Variants in KCNQ1OT1 observed in about 807,000 individuals in gnomAD.
KCNQ1OT1 encodes KCNQ1 opposite strand/antisense transcript 1.
Position 2,624,176 on chromosome 11 carries a change from G to A in KCNQ1OT1, n.75819C>T, listed in dbSNP as rs1589988171. 33 of 398,468 alleles carry A rather than the reference G, an allele frequency of 8.3e-5. No individual in the cohort carries two copies. In the East Asian group the frequency reaches 1.2e-3, roughly 14 times the overall value. 24.7% of individuals were successfully genotyped at this position (398,468 alleles called of 1,614,324 possible). Reference sequence around the variant, plus strand: ...CCATTTCCCTAATGACGTAAGATGTGGGGCATCTTTTCATATACTTAGTTG... The same window carrying A: ...CCATTTCCCTAATGACGTAAGATGTAGGGCATCTTTTCATATACTTAGTTG... On this transcript the variant is annotated non_coding_transcript_exon_variant, in exon 1 of 1. Transcript: ENST00000597346. This position sits in a 1 kb window ranked among gnomAD's most constrained non-coding sequence, Gnocchi z 4.9.
Position 2,653,679 on chromosome 11 carries a change from G to T in KCNQ1OT1, n.46316C>A, listed in dbSNP as rs1006789483. ...AATGGCCACCAGCTTGCATTCAACA[G>T]CTCAGGAAGCCCAGCAGAACGAGGT... On this transcript the variant is annotated non_coding_transcript_exon_variant, in exon 1 of 1. Transcript: ENST00000597346. The surrounding 1 kb of genome is among the most constrained non-coding windows in gnomAD (Gnocchi z 5.3). 5.0e-6 allele frequency: 2 copies of T among 398,704 alleles called. No homozygotes were observed. The highest frequency in any genetic ancestry group is 8.8e-6 in the Non-Finnish European group (2 of 226,122). 24.7% of individuals were successfully genotyped at this position (398,704 alleles called of 1,614,324 possible).
exon 1 of KCNQ1OT1, chr11:2,609,628 T>G (rs1037275380): frequency 7.5e-6 from 3 of 398,302 alleles, no homozygotes; most frequent in Middle Eastern, 1.2e-3. Flanking sequence ...TGTTGAAGTC[T>G]CCAACTACTA....
rs1486918692 is a variant in KCNQ1OT1, at chr11:2,682,592, T to C, written n.17403A>G. ...TGGGGTTCAGGCAACCCAAGGCTGGTCTGGAGAGTGTAAGGCTTGAGAGCT... is the reference window on the plus strand; with the variant it reads ...TGGGGTTCAGGCAACCCAAGGCTGGCCTGGAGAGTGTAAGGCTTGAGAGCT... On this transcript the variant is annotated non_coding_transcript_exon_variant, in exon 1 of 1. Coordinates refer to ENST00000597346, the Ensembl canonical transcript of KCNQ1OT1. The surrounding 1 kb of genome is among the most constrained non-coding windows in gnomAD (Gnocchi z 5.8). 7.5e-6 allele frequency: 3 copies of C among 398,400 alleles called. No individual in the cohort carries two copies. Among genetic ancestry groups the C allele is most frequent in the Non-Finnish European group, 1.3e-5 (3 of 226,086 alleles). 24.7% of individuals were successfully genotyped at this position (398,400 alleles called of 1,614,324 possible).
At position 2,679,962 on chromosome 11, in the gene KCNQ1OT1, C is replaced by T. The variant is rs761748923; in HGVS notation, n.20033G>A. 43 of 397,146 alleles carry T rather than the reference C, an allele frequency of 1.1e-4. No individual in the cohort carries two copies. The highest frequency in any genetic ancestry group is 1.8e-4 in the East Asian group (5 of 28,040). The allele number at this position is 397,146 out of a possible 1,614,324, so 24.6% of individuals were successfully genotyped here. A position where few individuals can be genotyped will look rare whatever the true frequency, so the allele number is the denominator to read the frequency against. Reference sequence around the variant, plus strand: ...AGGCGGGAATGCAGTGGCACAGTCTCGGCTTACTGCAACCTCTACCTCCTG... The same window carrying T: ...AGGCGGGAATGCAGTGGCACAGTCTTGGCTTACTGCAACCTCTACCTCCTG... On this transcript the variant is annotated non_coding_transcript_exon_variant, in exon 1 of 1. Coordinates refer to ENST00000597346, the Ensembl canonical transcript of KCNQ1OT1. The surrounding 1 kb of genome is among the most constrained non-coding windows in gnomAD (Gnocchi z 4.8).
exon 1 of KCNQ1OT1, chr11:2,655,378 T>G: frequency 5.0e-6 from 2 of 398,640 alleles, no homozygotes; most frequent in East Asian, 7.1e-5. Flanking sequence ...CTTAGGAAAG[T>G]GTGACTTCAT....
chr11:2,696,981 C>T (rs1037304370), exon 1 of KCNQ1OT1: 5 of 397,460 alleles, frequency 1.3e-5, no homozygotes, highest in Non-Finnish European at 2.2e-5. Flanking sequence ...TTTTTTTTTC[C>T]ATGTAGCCCA....
chr11:2,669,733 G>A lies in KCNQ1OT1; in HGVS notation n.30262C>T. On this transcript the variant is annotated non_coding_transcript_exon_variant, in exon 1 of 1. Transcript: ENST00000597346. The surrounding 1 kb of genome is among the most constrained non-coding windows in gnomAD (Gnocchi z 5.6). ...ACATACCTGACTCGGGGAAATGCCT[G>A]AAAATATTAGCCAGCATAGAATGTC... is the stretch of plus-strand genomic sequence containing the variant. The A allele has an allele frequency of 7.5e-6, 3 of 398,684 alleles. No homozygotes were observed. Among genetic ancestry groups the A allele is most frequent in the Non-Finnish European group, 8.8e-6 (2 of 226,088 alleles). 24.7% of individuals were successfully genotyped at this position (398,684 alleles called of 1,614,324 possible). A position where few individuals can be genotyped will look rare whatever the true frequency, so the allele number is the denominator to read the frequency against.
rs1249923718 is a variant in KCNQ1OT1, at chr11:2,673,141, C to T, written n.26854G>A. The T allele has an allele frequency of 2.5e-6, 1 of 398,608 alleles. No homozygotes were observed. The highest frequency in any genetic ancestry group is 4.4e-6 in the Non-Finnish European group (1 of 226,136). 24.7% of individuals were successfully genotyped at this position (398,608 alleles called of 1,614,324 possible). A position where few individuals can be genotyped will look rare whatever the true frequency, so the allele number is the denominator to read the frequency against. On this transcript the variant is annotated non_coding_transcript_exon_variant, in exon 1 of 1. Transcript: ENST00000597346. This position sits in a 1 kb window ranked among gnomAD's most constrained non-coding sequence, Gnocchi z 4.5. ...GGCAGCATCAGGGCAGGGGTGCTGACCATCCCTGACCCAAGCACGAGGATC... is the reference window on the plus strand; with the variant it reads ...GGCAGCATCAGGGCAGGGGTGCTGATCATCCCTGACCCAAGCACGAGGATC...
exon 1 of KCNQ1OT1, chr11:2,640,682 A>G (rs1356676293): frequency 2.5e-6 from 1 of 398,132 alleles, no homozygotes; most frequent in Non-Finnish European, 4.4e-6. Context: ...TCATCTCTAT[A>G]GTTAGGAACA....
chr11:2,661,817 A>C lies in KCNQ1OT1; in HGVS notation n.38178T>G. ...TAAACACCCACCCACCCCAACACCC[A>C]ACTATAAAACTGATTGTCAGGGCTG... On this transcript the variant is annotated non_coding_transcript_exon_variant, in exon 1 of 1. Transcript: ENST00000597346. This position sits in a 1 kb window ranked among gnomAD's most constrained non-coding sequence, Gnocchi z 5.9. 6 of 930,470 alleles carry C rather than the reference A, an allele frequency of 6.4e-6. No individual in the cohort carries two copies. The highest frequency in any genetic ancestry group is 1.0e-5 in the Non-Finnish European group (6 of 586,190). 57.6% of individuals were successfully genotyped at this position (930,470 alleles called of 1,614,324 possible).
At chr11:2,615,975 C>G (rs1266154424) in exon 1 of KCNQ1OT1, 2 of 397,914 alleles carry the variant, frequency 5.0e-6, no homozygotes, top group Non-Finnish European at 8.9e-6. Context: ...TCAACAGTGA[C>G]GCCATCTGTG....
At chr11:2,633,567 T>C (rs79596465) in exon 1 of KCNQ1OT1, 5,089 of 398,574 alleles carry the variant, frequency 0.013, 155 homozygotes, top group East Asian at 0.079. Flanking sequence ...ATAGTATAGT[T>C]TCATTCTTCT....
rs1004263498 is a variant in KCNQ1OT1 at position 2,691,522 on chromosome 11, C to T, written n.8473G>A. On this transcript the variant is annotated non_coding_transcript_exon_variant, in exon 1 of 1. Coordinates refer to ENST00000597346, the Ensembl canonical transcript of KCNQ1OT1. This position sits in a 1 kb window ranked among gnomAD's most constrained non-coding sequence, Gnocchi z 6.4. ...CCATTTTTCAGCTTGCTTGGCTTTGCATTAAAGTTGGGGGGATTTCTCTAT... is the reference window on the plus strand; with the variant it reads ...CCATTTTTCAGCTTGCTTGGCTTTGTATTAAAGTTGGGGGGATTTCTCTAT... The T allele has an allele frequency of 1.3e-5, 5 of 398,242 alleles. No homozygotes were observed. Among genetic ancestry groups the T allele is most frequent in the Non-Finnish European group, 2.2e-5 (5 of 226,058 alleles). 24.7% of individuals were successfully genotyped at this position (398,242 alleles called of 1,614,324 possible).
chr11:2,688,504 G>A (rs572698190), exon 1 of KCNQ1OT1: 4 of 398,674 alleles, frequency 1.0e-5, no homozygotes, highest in South Asian at 1.3e-4. Flanking sequence ...TGCTCTGGGT[G>A]ATGAGGTAGA....
Position 2,652,189 on chromosome 11 carries a change from G to A in KCNQ1OT1, n.47806C>T. Reference sequence around the variant, plus strand: ...GGGGGTGGGGCCCCAGCAGATGTCTGGATTTGGTAGCCAGGGCCTGGAGCC... The same window carrying A: ...GGGGGTGGGGCCCCAGCAGATGTCTAGATTTGGTAGCCAGGGCCTGGAGCC... On this transcript the variant is annotated non_coding_transcript_exon_variant, in exon 1 of 1. Coordinates refer to ENST00000597346, the Ensembl canonical transcript of KCNQ1OT1. The surrounding 1 kb of genome is among the most constrained non-coding windows in gnomAD (Gnocchi z 5.9). 1 of 398,630 alleles carries A rather than the reference G, an allele frequency of 2.5e-6. No individual in the cohort carries two copies. Among genetic ancestry groups the A allele is most frequent in the East Asian group, 3.6e-5 (1 of 28,056 alleles). 24.7% of individuals were successfully genotyped at this position (398,630 alleles called of 1,614,324 possible).
chr11:2,683,693 TG>T lies in KCNQ1OT1; in HGVS notation n.16301del. 2.5e-6 allele frequency: 1 copy of T among 398,676 alleles called. No homozygotes were observed. The highest frequency in any genetic ancestry group is 3.6e-5 in the East Asian group (1 of 28,078). The allele number at this position is 398,676 out of a possible 1,614,324, so 24.7% of individuals were successfully genotyped here. On this transcript the variant is annotated non_coding_transcript_exon_variant, in exon 1 of 1. Coordinates refer to ENST00000597346, the Ensembl canonical transcript of KCNQ1OT1. This position sits in a 1 kb window ranked among gnomAD's most constrained non-coding sequence, Gnocchi z 4.7. ...CAATACAACTGTGAAAAGCCTAGCCTGGGACTCAGGCCTTTCCTTACTCCCT... is the reference window on the plus strand; with the variant it reads ...CAATACAACTGTGAAAAGCCTAGCCTGGACTCAGGCCTTTCCTTACTCCCT...
chr11:2,638,440 G>C (rs1438284334), exon 1 of KCNQ1OT1: 1 of 152,154 alleles, frequency 6.6e-6, no homozygotes, highest in Non-Finnish European at 1.5e-5. Context: ...ATGAAGCTTA[G>C]TTTGGCTGGA....
Position 2,678,112 on chromosome 11 carries a change from T to C in KCNQ1OT1, n.21883A>G, listed in dbSNP as rs1017761116. ...ATTTGTAGAAACTTGCTTTGTCATA[T>C]TCATTGAAAATATTTTATCCTCATT... On this transcript the variant is annotated non_coding_transcript_exon_variant, in exon 1 of 1. Coordinates refer to ENST00000597346, the Ensembl canonical transcript of KCNQ1OT1. This position sits in a 1 kb window ranked among gnomAD's most constrained non-coding sequence, Gnocchi z 4.9. 9 of 398,308 alleles carry C rather than the reference T, an allele frequency of 2.3e-5. No individual in the cohort carries two copies. Among genetic ancestry groups the C allele is most frequent in the Non-Finnish European group, 3.5e-5 (8 of 225,974 alleles). The allele number at this position is 398,308 out of a possible 1,614,324, so 24.7% of individuals were successfully genotyped here.
At chr11:2,622,723 T>C (rs1849195431) in exon 1 of KCNQ1OT1, 2 of 398,586 alleles carry the variant, frequency 5.0e-6, no homozygotes, top group East Asian at 3.6e-5. Flanking sequence ...TTAAAGACTT[T>C]ATATTTTTAG....
Sources: allele counts gnomAD v4.1 joint callset, GRCh38; gene constraint gnomAD v4.1.1; non-coding constraint Gnocchi (gnomAD v3.1); transcripts MANE v1.5; gene names NCBI Gene and HGNC (gene_info 2026-07-23, HGNC 2026-07-21).